The following ZBTB2 variants were observed in gnomAD, a reference collection of about 807,000 sequenced individuals.
ZBTB2 encodes zinc finger and BTB domain containing 2.
In ZBTB2, 2 loss-of-function variants were observed where a neutral mutation model predicts 39.5. The ratio of observed to expected loss-of-function variants is 0.05; its 90% CI spans 0.02 to 0.16. The LOEUF is 0.16. ZBTB2 is among the 10% of genes least tolerant of loss of function. The probability of loss-of-function intolerance (pLI) is 1.00; values close to 1 mark genes in which losing one functional copy is unlikely to be tolerated. For missense variants in ZBTB2, 391 were observed against 653.0 expected, an observed-to-expected ratio of 0.60 and a Z score of 4.37; for synonymous variants, 251 against 256.6, an observed-to-expected ratio of 0.98 and a Z score of 0.21.
chr6:151,372,426 G>A (rs1778806354), intron 2 of ZBTB2, among the ~76,000 whole-genome samples: 5 of 152,254 alleles, frequency 3.3e-5, no homozygotes, highest in Middle Eastern at 3.4e-3. Context: ...TAAAGTGAAG[G>A]AGAAGCAGCA....
chr6:151,370,327 G>A (rs898628869), intron 2 of ZBTB2, among the ~76,000 whole-genome samples: 2 of 152,172 alleles, frequency 1.3e-5, no homozygotes, highest in Non-Finnish European at 2.9e-5. Flanking sequence ...GTAGAGATGG[G>A]GTTTCACCAT....
chr6:151,380,470 G>A (rs975141776), intron 1 of ZBTB2, among the ~76,000 whole-genome samples: 8 of 152,076 alleles, frequency 5.3e-5, no homozygotes, highest in African/African-American at 9.7e-5. Context: ...CCCAAAATAC[G>A]CCAGCTAGGG....
intron 1 of ZBTB2, among the ~76,000 whole-genome samples, chr6:151,376,477 T>C (rs1018704219): frequency 7.2e-5 from 11 of 152,140 alleles, no homozygotes; most frequent in Non-Finnish European, 1.3e-4. Flanking sequence ...AACTGGAATA[T>C]ATAAAGAACT....
At chr6:151,374,685 C>T (rs1778862422) in intron 1 of ZBTB2, among the ~76,000 whole-genome samples, 1 of 151,540 alleles carries the variant, frequency 6.6e-6, no homozygotes, top group African/African-American at 2.4e-5. Flanking sequence ...GAAGTTCTAG[C>T]TCACGCAACA....
intron 2 of ZBTB2, among the ~76,000 whole-genome samples, chr6:151,367,265 C>T (rs527562708): frequency 1.2e-4 from 18 of 152,084 alleles, no homozygotes; most frequent in African/African-American, 3.6e-4. Flanking sequence ...GGATTACAGG[C>T]GCTCACTACC....
At chr6:151,373,748 A>G in intron 1 of ZBTB2, 99 bp from the exon 2 acceptor site, 1 of 1,124,062 alleles carries the variant, frequency 8.9e-7, no homozygotes, top group Non-Finnish European at 1.2e-6. Flanking sequence ...ACATGTCATC[A>G]TAGCTAACGT....
rs1423348799 is a variant in ZBTB2 at position 151,391,415 on chromosome 6, C to G, written c.-13+5G>C. 1 of 151,898 alleles carries G rather than the reference C, an allele frequency of 6.6e-6. No homozygotes were observed. Among genetic ancestry groups the G allele is most frequent in the Non-Finnish European group, 1.5e-5 (1 of 68,000 alleles). The allele number at this position is 151,898 out of a possible 1,614,324, so 9.4% of individuals were successfully genotyped here. On this transcript the variant is annotated splice_donor_5th_base_variant and intron_variant, in intron 1 of 2. Transcript: ENST00000325144. Reference sequence around the variant, plus strand: ...CCCCGGGAGGCGGAGGCGGTGCGCGCTTACCTGTCGCCGGTGCTGCTGCGG... The same window carrying G: ...CCCCGGGAGGCGGAGGCGGTGCGCGGTTACCTGTCGCCGGTGCTGCTGCGG...
rs1779305530 is a variant in ZBTB2, at chr6:151,391,446, G to C, written c.-39C>G. The C allele has an allele frequency of 1.3e-5, 2 of 151,960 alleles. No homozygotes were observed. The highest frequency in any genetic ancestry group is 6.6e-5 in the Admixed American group (1 of 15,232). 9.4% of individuals were successfully genotyped at this position (151,960 alleles called of 1,614,324 possible). A position where few individuals can be genotyped will look rare whatever the true frequency, so the allele number is the denominator to read the frequency against. On this transcript the variant is annotated 5_prime_UTR_variant, in exon 1 of 3. Coordinates refer to ENST00000325144, the MANE Select transcript of ZBTB2 (RefSeq NM_020861.3). ...TGTCGCCGGTGCTGCTGCGGCGGGG[G>C]GTGTGGAGGAGGCGCCTCTGGGCAG... is the stretch of plus-strand genomic sequence containing the variant.
At chr6:151,377,026 C>T (rs991589508) in intron 1 of ZBTB2, among the ~76,000 whole-genome samples, 1 of 152,180 alleles carries the variant, frequency 6.6e-6, no homozygotes, top group East Asian at 1.9e-4. Flanking sequence ...AAACGACCTA[C>T]TGATAACGTA....
At chr6:151,368,850 G>T (rs1053514953) in intron 2 of ZBTB2, among the ~76,000 whole-genome samples, 1 of 151,558 alleles carries the variant, frequency 6.6e-6, no homozygotes, top group Non-Finnish European at 1.5e-5. Context: ...TGCAATCTCC[G>T]CCTCCCAGGT....
At chr6:151,379,420 T>A (rs1343230174) in intron 1 of ZBTB2, among the ~76,000 whole-genome samples, 1 of 151,910 alleles carries the variant, frequency 6.6e-6, no homozygotes, top group Non-Finnish European at 1.5e-5. Flanking sequence ...GTGGGAGGAC[T>A]GCTTAAGCTC....
rs758256737 is a variant in ZBTB2, at chr6:151,366,399, C to T, written c.667G>A (p.Glu223Lys). 2 of 1,614,036 alleles carry T rather than the reference C, an allele frequency of 1.2e-6. No homozygotes were observed. The highest frequency in any genetic ancestry group is 2.2e-5 in the South Asian group (2 of 91,068). Residue 223 changes from glutamate to lysine, a missense_variant, in exon 3 of 3, where the codon GAA (glutamate) becomes AAA (lysine). Around this residue, in one of 7 missense-constraint regions of ZBTB2, gnomAD observed 175 missense variants for 198.6 expected, o/e 0.88. Transcript: ENST00000325144. This position sits in a 1 kb window ranked among gnomAD's most constrained non-coding sequence, Gnocchi z 7.1. Reference sequence around the variant, plus strand: ...GGCTGCTCATCGGAGGAAGATGCTTCCAGATTGGTCTCCTCCCCGGGAGGA... The same window carrying T: ...GGCTGCTCATCGGAGGAAGATGCTTTCAGATTGGTCTCCTCCCCGGGAGGA... ...PPPPGEETNLEASSSDEQPAS... is the reference protein window; with the variant it reads ...PPPPGEETNLKASSSDEQPAS...
intron 1 of ZBTB2, among the ~76,000 whole-genome samples, chr6:151,388,686 A>G (rs1779218006): frequency 6.6e-6 from 1 of 152,184 alleles, no homozygotes; most frequent in Non-Finnish European, 1.5e-5. Context: ...TTTTTCTATT[A>G]TTTTATATTA....
chr6:151,384,278 T>G (rs1044056017), intron 1 of ZBTB2, among the ~76,000 whole-genome samples: 1 of 152,160 alleles, frequency 6.6e-6, no homozygotes, highest in Non-Finnish European at 1.5e-5. Context: ...TTAAAAGCAA[T>G]GGGAAGCCAC....
At chr6:151,383,299 C>A (rs1779081837) in intron 1 of ZBTB2, among the ~76,000 whole-genome samples, 1 of 152,186 alleles carries the variant, frequency 6.6e-6, no homozygotes, top group Non-Finnish European at 1.5e-5. Context: ...ATCCTCCTGC[C>A]TCAGCCTCCT....
intron 1 of ZBTB2, among the ~76,000 whole-genome samples, chr6:151,390,363 T>G (rs1456668520): frequency 6.8e-6 from 1 of 146,236 alleles, no homozygotes. Context: ...CCTGTCCCCG[T>G]CCCCGAGGGG....
rs1185963580 is a variant in ZBTB2, at chr6:151,373,642, T to A, written c.-5A>T. ...TCCATGGTTGGCCAAATCCATTTTTTAAAAAATCTGCAAAGCAAACAATTT... is the reference window on the plus strand; with the variant it reads ...TCCATGGTTGGCCAAATCCATTTTTAAAAAAATCTGCAAAGCAAACAATTT... On this transcript the variant is annotated 5_prime_UTR_variant, in exon 2 of 3. Coordinates refer to ENST00000325144, the MANE Select transcript of ZBTB2 (RefSeq NM_020861.3). The A allele has an allele frequency of 3.7e-6, 6 of 1,608,620 alleles. No individual in the cohort carries two copies. Among genetic ancestry groups the A allele is most frequent in the East Asian group, 2.2e-5 (1 of 44,804 alleles).
intron 1 of ZBTB2, among the ~76,000 whole-genome samples, chr6:151,386,154 G>A (rs1376134472): frequency 6.6e-6 from 1 of 152,100 alleles, no homozygotes; most frequent in Non-Finnish European, 1.5e-5. Flanking sequence ...GAGATTTATG[G>A]CTAATAACGA....
intron 2 of ZBTB2, among the ~76,000 whole-genome samples, chr6:151,372,473 T>C (rs9371214): frequency 0.1 from 15,739 of 151,982 alleles, 1,486 homozygotes; most frequent in African/African-American, 0.25. Flanking sequence ...CAGGATGTGC[T>C]GATCCCACAT....
Sources: gnomAD v4.1 joint callset for allele counts (sites outside exome capture counted in the v4.1 genomes callset) on GRCh38, gnomAD v4.1.1 for gene constraint, gnomAD v4.1.1 regional missense constraint, Gnocchi (gnomAD v3.1) non-coding constraint, MANE v1.5 for transcripts, NCBI Gene and HGNC (gene_info 2026-07-23, HGNC 2026-07-21) for gene names.